Variants in CARNMT1 observed in about 807,000 individuals in gnomAD.
CARNMT1 encodes the protein carnosine N-methyltransferase 1, also known as protein-L-histidine N-pros-methyltransferase CARNMT1.
A neutral mutation model predicts 49.6 loss-of-function variants in CARNMT1; 28 were observed. The observed-to-expected ratio is 0.56, with a 90% CI of 0.42 to 0.77. CARNMT1 has a LOEUF of 0.77. Among genes scored for constraint, CARNMT1 ranks in the 30% least tolerant of loss-of-function variants. The pLI is 0.00. For synonymous variants in CARNMT1, 178 were observed against 175.0 expected (o/e 1.02, Z -0.13); for missense variants, 421 against 512.6 (o/e 0.82, Z 1.73).
intron 3 of CARNMT1, among the ~76,000 whole-genome samples, chr9:75,012,942 A>G (rs998473805): frequency 2.0e-5 from 3 of 151,984 alleles, no homozygotes; most frequent in African/African-American, 4.8e-5. Flanking sequence ...AATCTTATCT[A>G]TATGTACTGT....
At chr9:75,009,060 CTTTTT>C (rs752851220) in intron 3 of CARNMT1, among the ~76,000 whole-genome samples, 11 of 125,514 alleles carry the variant, frequency 8.8e-5, no homozygotes, top group Admixed American at 4.9e-4. Flanking sequence ...AAAGGACAGT[CTTTTT>C]TTTTTTTTTT....
chr9:75,027,068 T>C (rs1405043386), intron 1 of CARNMT1: 1 of 1,304,074 alleles, frequency 7.7e-7, no homozygotes, highest in Non-Finnish European at 1.0e-6. Context: ...TAGGAGGTCA[T>C]GTCTGTCTGA....
At chr9:75,007,697 C>G (rs1833551727) in intron 3 of CARNMT1, among the ~76,000 whole-genome samples, 1 of 146,172 alleles carries the variant, frequency 6.8e-6, no homozygotes. Flanking sequence ...CCACTGCACT[C>G]CAGCCTGGGT....
At chr9:75,025,737 T>C (rs1406556122) in intron 1 of CARNMT1, among the ~76,000 whole-genome samples, 1 of 152,210 alleles carries the variant, frequency 6.6e-6, no homozygotes, top group Non-Finnish European at 1.5e-5. Context: ...TTCAGATCCA[T>C]ATTGTTTAAG....
At chr9:75,016,866 G>C (rs1833872339) in intron 2 of CARNMT1, 2 of 278,324 alleles carry the variant, frequency 7.2e-6, no homozygotes, top group Middle Eastern at 1.0e-3. Flanking sequence ...AGATTTATAA[G>C]TGAAAACAAT....
Position 74,980,841 on chromosome 9 carries a change from A to G in CARNMT1, c.*2926T>C, listed in dbSNP as rs888949384. Among the ~76,000 whole-genome samples, 1 of 152,188 alleles carries G rather than the reference A, an allele frequency of 6.6e-6. No homozygotes were observed. The highest frequency in any genetic ancestry group is 2.4e-5 in the African/African-American group (1 of 41,452). ...TTATTACAGTGAACTTGAATGAAAC[A>G]AAGTGAAAATAGTTAGTATAAGGCC... is the stretch of plus-strand genomic sequence containing the variant. On this transcript the variant is annotated 3_prime_UTR_variant, in exon 8 of 8. Transcript: ENST00000376834.
chr9:75,027,929 G>T, intron 1 of CARNMT1, 83 bp downstream of exon 1: 1 of 1,392,772 alleles, frequency 7.2e-7, no homozygotes, highest in Non-Finnish European at 9.4e-7. Flanking sequence ...CGGCGGGACG[G>T]CGAGCGCCCC....
chr9:74,999,637 T>G, intron 4 of CARNMT1, 93 bp downstream of exon 4: 1 of 1,079,814 alleles, frequency 9.3e-7, no homozygotes, highest in Non-Finnish European at 1.3e-6. Flanking sequence ...AAATGCTATG[T>G]ACTTATCTTC....
chr9:75,028,089 C>A lies in CARNMT1; in HGVS notation c.153G>T (p.Thr51=). 2 of 1,557,802 alleles carry A rather than the reference C, an allele frequency of 1.3e-6. No homozygotes were observed. The highest frequency in any genetic ancestry group is 2.6e-5 in the East Asian group (1 of 39,202). Residue 51 remains threonine, a synonymous_variant, in exon 1 of 8, where the codon ACG becomes ACT. Transcript: ENST00000376834. The stretch of plus-strand genomic sequence containing the variant: ...TCTCCTCCTCCTCCTCGGTGCTGCG[C>A]GTGGCCGCCGCCGCTGCCGCCGAAA... ...AAVSAAAAAA[T]RSTEEEEERL...
chr9:74,991,219 T>C (rs1833001622), intron 6 of CARNMT1: 1 of 152,118 alleles, frequency 6.6e-6, no homozygotes, highest in African/African-American at 2.4e-5. Context: ...CTCAGATCAC[T>C]GCAACCTCTG....
At chr9:75,024,347 A>G (rs1822464041) in intron 1 of CARNMT1, among the ~76,000 whole-genome samples, 1 of 152,214 alleles carries the variant, frequency 6.6e-6, no homozygotes, top group Non-Finnish European at 1.5e-5. Context: ...CCACAACTGG[A>G]TTGTGTAACC....
chr9:75,025,680 C>G (rs144799523), intron 1 of CARNMT1, among the ~76,000 whole-genome samples: 339 of 152,188 alleles, frequency 2.2e-3, no homozygotes, highest in African/African-American at 7.4e-3. Context: ...AAACAATTTT[C>G]CAATATGTTT....
intron 6 of CARNMT1, among the ~76,000 whole-genome samples, chr9:74,987,279 G>A (rs1171041324): frequency 6.6e-6 from 1 of 152,120 alleles, no homozygotes; most frequent in Non-Finnish European, 1.5e-5. Flanking sequence ...AATTCTGTTA[G>A]GTACGTATTT....
chr9:74,983,828 T>C lies in CARNMT1; in HGVS notation c.1169A>G (p.Asp390Gly). The change falls in exon 8 of 8, where the codon GAT becomes GGT. Residue 390 changes from aspartate (D) to glycine (G), a missense_variant. Physicochemically the swap from Asp to Gly is moderately conservative, Grantham distance 94 (BLOSUM62 -1). Coordinates refer to ENST00000376834, the MANE Select transcript of CARNMT1 (RefSeq NM_152420.3). ...ATAGTAGTATTTCATCATAGAGAGA[T>C]CATTCACAGTATATGTTGACAATAC... ...ESVLSTYTVN[D>G]LSMMKYYYEC... The C allele has an allele frequency of 6.2e-7, 1 of 1,607,656 alleles. No homozygotes were observed. Among genetic ancestry groups the C allele is most frequent in the South Asian group, 1.1e-5 (1 of 89,958 alleles).
rs553721715 is a variant in CARNMT1, at chr9:74,994,189, C to T, written c.1024+2258G>A. ...TGTGAATACACAGCAAGAGGGTAACCCCTGCAAATCAAAGGAAGAGCCCTC... is the reference window on the plus strand; with the variant it reads ...TGTGAATACACAGCAAGAGGGTAACTCCTGCAAATCAAAGGAAGAGCCCTC... On this transcript the variant is annotated intron_variant, in intron 6 of 7. Coordinates refer to ENST00000376834, the MANE Select transcript of CARNMT1 (RefSeq NM_152420.3). 3.3e-5 allele frequency among the ~76,000 whole-genome samples: 5 copies of T among 152,298 alleles called. No individual in the cohort carries two copies. In the South Asian group the frequency reaches 8.3e-4, roughly 25 times the overall value.
chr9:75,017,580 G>A, intron 1 of CARNMT1, 132 bp from the exon 2 acceptor site: 3 of 753,836 alleles, frequency 4.0e-6, no homozygotes, highest in South Asian at 4.5e-5. Flanking sequence ...ACAATCTCTT[G>A]GCTTTAAAAA....
At chr9:75,016,512 G>C in intron 2 of CARNMT1, 81 bp from the exon 3 acceptor site, 8 of 1,351,008 alleles carry the variant, frequency 5.9e-6, no homozygotes, top group Non-Finnish European at 8.2e-6. Context: ...CTACTAAGGG[G>C]CTATATAGGT....
rs371436976 is a variant in CARNMT1, at chr9:75,027,406, C to T, written c.230+606G>A. 28 of 985,052 alleles carry T rather than the reference C, an allele frequency of 2.8e-5. 1 individual carries two copies. In the East Asian group the frequency reaches 1.1e-3, roughly 40 times the overall value. The allele number at this position is 985,052 out of a possible 1,614,324, so 61.0% of individuals were successfully genotyped here. On this transcript the variant is annotated intron_variant, in intron 1 of 7. Transcript: ENST00000376834. The stretch of plus-strand genomic sequence containing the variant: ...TAATAATTAGCAAATTTTAGAATAT[C>T]CGGACCACTTCCGCCCTTAATCACC...
At chr9:74,985,672 C>T (rs1307655103) in intron 6 of CARNMT1, among the ~76,000 whole-genome samples, 1 of 152,050 alleles carries the variant, frequency 6.6e-6, no homozygotes, top group Non-Finnish European at 1.5e-5. Context: ...CTCCACCTCC[C>T]AGGTTCAAGT....
Sources: allele counts gnomAD v4.1 joint callset (sites outside exome capture counted in the v4.1 genomes callset), GRCh38; gene constraint gnomAD v4.1.1; transcripts MANE v1.5; gene names NCBI Gene and HGNC (gene_info 2026-07-23, HGNC 2026-07-21).